The following CDK14 variants were observed in gnomAD, a reference collection of about 807,000 sequenced individuals.
CDK14 encodes cyclin-dependent kinase 14.
A neutral mutation model predicts 60.7 loss-of-function variants in CDK14; 34 were observed. The observed-to-expected ratio is 0.56, with a 90% CI of 0.43 to 0.75. The LOEUF (loss-of-function observed/expected upper bound fraction) is 0.75, where lower values mean the gene tolerates loss of function less well. Among genes scored for constraint, CDK14 ranks in the 30% least tolerant of loss-of-function variants. The pLI is 0.00. For synonymous variants in CDK14, 197 were observed against 203.7 expected (o/e 0.97, Z 0.28); for missense variants, 482 against 564.1 (o/e 0.85, Z 1.47).
chr7:91,179,675 C>T (rs1430141510), intron 14 of CDK14, among the ~76,000 whole-genome samples: 4 of 151,916 alleles, frequency 2.6e-5, no homozygotes, highest in South Asian at 2.1e-4. Context: ...TGGTGGCGGG[C>T]GCCTGTAGTC....
At chr7:90,940,700 C>T (rs1420232135) in intron 8 of CDK14, among the ~76,000 whole-genome samples, 3 of 151,926 alleles carry the variant, frequency 2.0e-5, no homozygotes, top group East Asian at 1.9e-4. Context: ...GTGGGAAGGT[C>T]GCTTGAGCCC....
chr7:91,199,858 C>T (rs1802663396), intron 14 of CDK14, among the ~76,000 whole-genome samples: 1 of 152,186 alleles, frequency 6.6e-6, no homozygotes, highest in African/African-American at 2.4e-5. Flanking sequence ...AAGCTTAAAA[C>T]AAAGCCTGAC....
intron 14 of CDK14, among the ~76,000 whole-genome samples, chr7:91,176,718 A>T (rs1801773100): frequency 6.6e-6 from 1 of 151,918 alleles, no homozygotes; most frequent in South Asian, 2.1e-4. Flanking sequence ...GAAGAAATGG[A>T]TAAATTCCTC....
intron 10 of CDK14, among the ~76,000 whole-genome samples, chr7:91,011,177 C>T (rs1010133980): frequency 6.6e-6 from 1 of 151,812 alleles, no homozygotes; most frequent in African/African-American, 2.4e-5. Context: ...TCATCTTGAA[C>T]AACAACAACA....
intron 2 of CDK14, among the ~76,000 whole-genome samples, chr7:90,668,407 G>C (rs1400899054): frequency 2.6e-5 from 4 of 152,054 alleles, no homozygotes; most frequent in Non-Finnish European, 5.9e-5. Flanking sequence ...TATAGATTCT[G>C]GTTGTTAGTC....
chr7:91,116,764 C>T (rs1799622424), intron 13 of CDK14, among the ~76,000 whole-genome samples: 1 of 152,064 alleles, frequency 6.6e-6, no homozygotes. Context: ...ACCATCTCCT[C>T]CTACTAATAC....
intron 11 of CDK14, among the ~76,000 whole-genome samples, chr7:91,049,167 C>A (rs1362503805): frequency 6.6e-6 from 1 of 152,224 alleles, no homozygotes; most frequent in African/African-American, 2.4e-5. Flanking sequence ...CAGGCGTGAG[C>A]CGCCATGCCT....
intron 10 of CDK14, among the ~76,000 whole-genome samples, chr7:90,989,001 A>AGTGTGTGTGTGTGTGTGT (rs10696275): frequency 6.7e-6 from 1 of 149,750 alleles, no homozygotes; most frequent in Admixed American, 6.7e-5. Flanking sequence ...TTTGTGTGTG[A>AGTGTGTGTGTGTGTGTGT]GTGTGTGTGT....
chr7:90,792,539 T>C (rs908994076), intron 5 of CDK14, among the ~76,000 whole-genome samples: 7 of 152,156 alleles, frequency 4.6e-5, no homozygotes, highest in Admixed American at 4.6e-4. Flanking sequence ...ATGTTCTCCC[T>C]GTATTAGTAA....
chr7:91,125,207 G>C (rs1262211028), intron 14 of CDK14, among the ~76,000 whole-genome samples: 1 of 152,142 alleles, frequency 6.6e-6, no homozygotes, highest in African/African-American at 2.4e-5. Flanking sequence ...TCACATGGGA[G>C]CTTTGTCTGG....
intron 4 of CDK14, among the ~76,000 whole-genome samples, chr7:90,789,253 G>A (rs1463134043): frequency 6.6e-6 from 1 of 152,032 alleles, no homozygotes; most frequent in East Asian, 1.9e-4. Flanking sequence ...AAAGCAAAAG[G>A]CAGTTTTCTA....
chr7:90,623,759 T>A (rs1799822341), intron 2 of CDK14, among the ~76,000 whole-genome samples: 1 of 152,166 alleles, frequency 6.6e-6, no homozygotes, highest in Non-Finnish European at 1.5e-5. Context: ...GATAATGCCT[T>A]CCTGGAGTTT....
intron 12 of CDK14, among the ~76,000 whole-genome samples, chr7:91,082,838 T>G (rs1798519795): frequency 6.6e-6 from 1 of 152,216 alleles, no homozygotes; most frequent in Non-Finnish European, 1.5e-5. Context: ...GGTGCTCTAT[T>G]GTATTTTTCT....
intron 3 of CDK14, among the ~76,000 whole-genome samples, chr7:90,740,288 G>A (rs1436590492): frequency 8.7e-5 from 13 of 149,690 alleles, no homozygotes; most frequent in Non-Finnish European, 3.0e-5. Flanking sequence ...GAGAGAGAGA[G>A]AGAAAGAAAG....
intron 2 of CDK14, among the ~76,000 whole-genome samples, chr7:90,634,106 A>T (rs2116412394): frequency 7.2e-6 from 1 of 138,858 alleles, no homozygotes; most frequent in East Asian, 1.9e-4. Flanking sequence ...ATTAGAATTG[A>T]GTCTTTTTGT....
intron 4 of CDK14, among the ~76,000 whole-genome samples, chr7:90,789,855 T>G (rs1805753173): frequency 6.6e-6 from 1 of 152,152 alleles, no homozygotes; most frequent in African/African-American, 2.4e-5. Context: ...CTTTGATTGA[T>G]GGCAGAAATG....
At chr7:90,836,351 AT>A (rs1790098944) in intron 5 of CDK14, among the ~76,000 whole-genome samples, 1 of 152,126 alleles carries the variant, frequency 6.6e-6, no homozygotes, top group African/African-American at 2.4e-5. Context: ...TAATATTTCA[AT>A]TTTTTTCTTT....
At chr7:91,103,260 A>C (rs1006507123) in intron 12 of CDK14, among the ~76,000 whole-genome samples, 1 of 152,124 alleles carries the variant, frequency 6.6e-6, no homozygotes, top group African/African-American at 2.4e-5. Flanking sequence ...CAAAAAAAAA[A>C]AGAAATGCTG....
At position 90,963,121 on chromosome 7, in the gene CDK14, G is replaced by GTGTGTGTGTGTGTT. The variant is rs1267435147; in HGVS notation, c.947+7307_947+7308insGTGTGTGTGTTTGT. ...TGTGTGTGTGTGTGTGTGTGTGTGT[G>GTGTGTGTGTGTGTT]TGTTTTAATTTAGAAATATATAGGC... On this transcript the variant is annotated intron_variant, in intron 9 of 14. Transcript: ENST00000380050. Among the ~76,000 whole-genome samples the GTGTGTGTGTGTGTT allele has an allele frequency of 1.4e-3, 196 of 142,328 alleles. 2 individuals carry two copies. The East Asian group carries it at 0.022, about 16-fold the overall frequency. The allele number at this position is 142,328 out of a possible 152,430, so 93.4% of individuals were successfully genotyped here.
Sources: allele counts gnomAD v4.1 joint callset (sites outside exome capture counted in the v4.1 genomes callset), GRCh38; gene constraint gnomAD v4.1.1; transcripts MANE v1.5; gene names NCBI Gene and HGNC (gene_info 2026-07-23, HGNC 2026-07-21).